The following DNAI7 variants were observed in gnomAD, a reference collection of about 807,000 sequenced individuals.
DNAI7 encodes cancer susceptibility 1.
A neutral mutation model predicts 86.6 loss-of-function variants in DNAI7; 78 were observed. The observed-to-expected ratio is 0.90, with a 90% CI of 0.75 to 1.09. DNAI7 has a LOEUF of 1.09. DNAI7 is among the 50% of genes least tolerant of loss of function. The probability of loss-of-function intolerance (pLI) is 0.00; values close to 1 mark genes in which losing one functional copy is unlikely to be tolerated. For synonymous variants in DNAI7, 274 were observed against 273.0 expected (o/e 1.00, Z -0.04); for missense variants, 753 against 810.2 (o/e 0.93, Z 0.86).
Position 25,119,219 on chromosome 12 carries a change from A to G in DNAI7, c.1322T>C (p.Ile441Thr), listed in dbSNP as rs1193806164. ...EFETENAFPP[I>T]EVTLEVHENV... ...CTCATGAACCTCAAGTGTGACCTCT[A>G]TAGGTGGGAAAGCATTTTCTGTCTC... Residue 441 changes from isoleucine (I) to threonine (T), a missense_variant, in exon 12 of 16, where the codon ATA (isoleucine) becomes ACA (threonine). By Grantham distance (89) the Ile-to-Thr change is moderately conservative. Transcript: ENST00000395987. 6.2e-7 allele frequency: 1 copy of G among 1,612,472 alleles called. No homozygotes were observed. Among genetic ancestry groups the G allele is most frequent in the Non-Finnish European group, 8.5e-7 (1 of 1,178,878 alleles).
Position 25,111,843 on chromosome 12 carries a change from C to T in DNAI7, c.1708G>A (p.Ala570Thr), listed in dbSNP as rs1938892956. The T allele has an allele frequency of 6.2e-7, 1 of 1,603,386 alleles. No individual in the cohort carries two copies. The highest frequency in any genetic ancestry group is 1.3e-5 in the African/African-American group (1 of 74,600). The change falls in exon 14 of 16, where the codon GCT (alanine) becomes ACT (threonine). Residue 570 changes from alanine (A) to threonine (T), a missense_variant. Transcript: ENST00000395987. ...ATATTCAGTCCAGCTTCTTTCAAAG[C>T]AATAATGAAAGGAATAGGAGTCATC... is the stretch of plus-strand genomic sequence containing the variant. Reference protein sequence around the residue: ...TWMTPIPFIIALKEAGLNIFP... With the variant: ...TWMTPIPFIITLKEAGLNIFP...
At position 25,108,718 on chromosome 12, in the gene DNAI7, C is replaced by G; in HGVS notation, c.1999G>C (p.Ala667Pro). The change falls in exon 16 of 16, where the codon GCA becomes CCA. Residue 667 changes from alanine (A) to proline (P), a missense_variant. By Grantham distance (27) the Ala-to-Pro change is conservative (BLOSUM62 -1). Coordinates refer to ENST00000395987, the MANE Select transcript of DNAI7 (RefSeq NM_018272.5). Reference protein sequence around the residue: ...QRLKIKEESEAFSEALKEETE... With the variant: ...QRLKIKEESEPFSEALKEETE... ...TCTTCTTTAAGTGCTTCAGAAAATG[C>G]CTCACTCTCTTCCTTGATCTTCAGT... 1 of 1,610,316 alleles carries G rather than the reference C, an allele frequency of 6.2e-7. No individual in the cohort carries two copies.
rs770148478 is a variant in DNAI7 at position 25,154,381 on chromosome 12, AC to A, written c.375del (p.Leu125PhefsTer13). 8 of 1,611,570 alleles carry A rather than the reference AC, an allele frequency of 5.0e-6. No individual in the cohort carries two copies. Among genetic ancestry groups the A allele is most frequent in the Non-Finnish European group, 6.8e-6 (8 of 1,179,300 alleles). ...VAQEMNTFIS[L>X]WKEKTNETFE... ...AAAGTCTCATTTGTTTTCTCTTTCC[AC>A]AAACTAATAAACGTGTTCATTTCTT... On this transcript the variant is annotated frameshift_variant, in exon 6 of 16. Coordinates refer to ENST00000395987, the MANE Select transcript of DNAI7 (RefSeq NM_018272.5). LOFTEE classifies it high-confidence loss of function.
intron 12 of DNAI7, among the ~76,000 whole-genome samples, chr12:25,117,199 G>A (rs1424640193): frequency 6.6e-6 from 1 of 152,152 alleles, no homozygotes; most frequent in Non-Finnish European, 1.5e-5. Context: ...CTCCCAAAGT[G>A]CTGGGATTAC....
At chr12:25,114,902 T>A in intron 12 of DNAI7, 32 bp from the exon 13 acceptor site, 1 of 1,491,004 alleles carries the variant, frequency 6.7e-7, no homozygotes, top group Non-Finnish European at 9.2e-7. Context: ...TGACACTAGT[T>A]TCATTTTTTC....
intron 12 of DNAI7, among the ~76,000 whole-genome samples, chr12:25,118,655 G>A (rs1347900149): frequency 1.3e-5 from 2 of 152,140 alleles, no homozygotes; most frequent in South Asian, 2.1e-4. Flanking sequence ...TCCACCTCCC[G>A]GGTTCAGGCG....
intron 13 of DNAI7, among the ~76,000 whole-genome samples, chr12:25,113,861 T>C (rs995042006): frequency 1.3e-5 from 2 of 150,878 alleles, no homozygotes; most frequent in Admixed American, 6.6e-5. Flanking sequence ...CCCCACCCAC[T>C]CTCAGCCCCA....
At chr12:25,190,097 T>A (rs1950385231) in intron 2 of DNAI7, among the ~76,000 whole-genome samples, 1 of 151,792 alleles carries the variant, frequency 6.6e-6, no homozygotes, top group Non-Finnish European at 1.5e-5. Context: ...AGTATAAATC[T>A]ACAAAGTAAA....
At chr12:25,143,245 A>ATT (rs1944421825) in intron 9 of DNAI7, among the ~76,000 whole-genome samples, 1 of 97,976 alleles carries the variant, frequency 1.0e-5, no homozygotes, top group African/African-American at 3.3e-5. Flanking sequence ...GAGTCTTCAT[A>ATT]ATTTTTTTTT....
At chr12:25,156,046 C>T (rs1039335678) in intron 4 of DNAI7, among the ~76,000 whole-genome samples, 1 of 151,756 alleles carries the variant, frequency 6.6e-6, no homozygotes, top group South Asian at 2.1e-4. Context: ...AGAGGTTCCA[C>T]TAACCCAAGA....
At chr12:25,181,861 T>A (rs1422399316) in intron 2 of DNAI7, among the ~76,000 whole-genome samples, 1 of 151,674 alleles carries the variant, frequency 6.6e-6, no homozygotes, top group Non-Finnish European at 1.5e-5. Context: ...TATTAAAAAA[T>A]TAAAAAAAGG....
intron 11 of DNAI7, among the ~76,000 whole-genome samples, chr12:25,120,876 T>C (rs1031995197): frequency 1.3e-5 from 2 of 152,232 alleles, no homozygotes; most frequent in African/African-American, 2.4e-5. Flanking sequence ...ATTGGCATCA[T>C]GTGGACTGGT....
intron 9 of DNAI7, among the ~76,000 whole-genome samples, chr12:25,130,608 G>A (rs1197193140): frequency 6.6e-6 from 1 of 151,554 alleles, no homozygotes; most frequent in African/African-American, 2.4e-5. Flanking sequence ...GTTAAATCCT[G>A]TATATGTTTG....
chr12:25,150,245 T>C (rs1196779339), intron 6 of DNAI7, among the ~76,000 whole-genome samples: 1 of 152,036 alleles, frequency 6.6e-6, no homozygotes, highest in South Asian at 2.1e-4. Flanking sequence ...TTGGGGAAAA[T>C]GTACTTTGCA....
At position 25,121,790 on chromosome 12, in the gene DNAI7, G is replaced by A. The variant is rs1212735703; in HGVS notation, c.1202C>T (p.Pro401Leu). The A allele has an allele frequency of 6.2e-7, 1 of 1,608,118 alleles. No homozygotes were observed. The highest frequency in any genetic ancestry group is 1.1e-5 in the South Asian group (1 of 89,282). ...CCATCCCTTCACTGGTTTACACTGT[G>A]GAGGAAGCTCCAAAATATCCAAGTG... ...VYHLDILELP[P>L]QCKPVKGWMI... is the part of the protein sequence containing the mutation. The change falls in exon 11 of 16, where the codon CCA (proline) becomes CTA (leucine). Residue 401 changes from proline (P) to leucine (L), a missense_variant. Coordinates refer to ENST00000395987, the MANE Select transcript of DNAI7 (RefSeq NM_018272.5).
intron 15 of DNAI7, 123 bp from the exon 16 acceptor site, chr12:25,108,946 G>A (rs1019161489): frequency 2.0e-5 from 12 of 596,618 alleles, no homozygotes; most frequent in African/African-American, 1.5e-4. Flanking sequence ...AAAAGAAACA[G>A]TCTATGTGTT....
intron 2 of DNAI7, among the ~76,000 whole-genome samples, chr12:25,188,623 A>G (rs918356555): frequency 1.3e-5 from 2 of 150,614 alleles, no homozygotes; most frequent in African/African-American, 2.4e-5. Context: ...GCAGTAAGCC[A>G]AGATTGTGCC....
chr12:25,144,751 A>C, intron 8 of DNAI7, 74 bp from the exon 9 acceptor site: 1 of 1,119,592 alleles, frequency 8.9e-7, no homozygotes, highest in East Asian at 2.5e-5. Flanking sequence ...TTTATACCTA[A>C]GCAGTATTTC....
chr12:25,108,633 A>G lies in DNAI7; in HGVS notation c.2084T>C (p.Met695Thr). 1.2e-6 allele frequency: 2 copies of G among 1,613,590 alleles called. No homozygotes were observed. Among genetic ancestry groups the G allele is most frequent in the African/African-American group, 1.3e-5 (1 of 74,954 alleles). ...ACAGTTGGAACTCCTGACTTTCTCC[A>G]TTGCTTCCTCAGAAGCAAAATCCTT... ...MVKDFASEEA[M>T]EKVRSSNCQF... The change falls in exon 16 of 16, where the codon ATG (methionine) becomes ACG (threonine). Residue 695 changes from methionine (M) to threonine (T), a missense_variant. Transcript: ENST00000395987.
Sources: allele counts gnomAD v4.1 joint callset (sites outside exome capture counted in the v4.1 genomes callset), GRCh38; gene constraint gnomAD v4.1.1; transcripts MANE v1.5; gene names NCBI Gene and HGNC (gene_info 2026-07-23, HGNC 2026-07-21).